Variants in SIK3 observed in about 807,000 individuals in gnomAD.
SIK3 encodes SIK family kinase 3.
A neutral mutation model predicts 144.2 loss-of-function variants in SIK3; 28 were observed. The ratio of observed to expected loss-of-function variants is 0.19; its 90% CI spans 0.14 to 0.27. The LOEUF (loss-of-function observed/expected upper bound fraction) is 0.27. Ranked by LOEUF, SIK3 falls within the 10% of genes least tolerant of loss-of-function variation. SIK3 has a pLI of 1.00. For missense variants in SIK3, 1,319 were observed against 1,776.0 expected (o/e 0.74, Z 4.62); for synonymous variants, 686 against 676.3 (o/e 1.01, Z -0.22).
At chr11:116,940,411 A>G (rs936465046) in intron 3 of SIK3, among the ~76,000 whole-genome samples, 6 of 151,924 alleles carry the variant, frequency 3.9e-5, no homozygotes, top group African/African-American at 1.4e-4. Flanking sequence ...TGTATTTTTT[A>G]GTAAAGACGG....
chr11:116,848,426 G>T (rs1942173105), intron 22 of SIK3, among the ~76,000 whole-genome samples: 1 of 152,118 alleles, frequency 6.6e-6, no homozygotes, highest in Non-Finnish European at 1.5e-5. Context: ...AATTTTAATT[G>T]GTTTAGATTT....
At chr11:116,931,725 C>G (rs2135172704) in intron 3 of SIK3, among the ~76,000 whole-genome samples, 1 of 152,306 alleles carries the variant, frequency 6.6e-6, no homozygotes. Flanking sequence ...CCACTCAGTT[C>G]TATCATTTCT....
intron 1 of SIK3, among the ~76,000 whole-genome samples, chr11:117,039,069 A>C (rs1952635075): frequency 6.6e-6 from 1 of 152,008 alleles, no homozygotes; most frequent in Non-Finnish European, 1.5e-5. Flanking sequence ...AGAAAAAGAA[A>C]TATCGCACAT....
Position 117,061,436 on chromosome 11 carries a change from G to A in SIK3, c.273+36707C>T, listed in dbSNP as rs11216256. ...TCTGGCTCTTCCACTTAATGGTTGC[G>A]TCACTTTGGGTAAGTTATAAACTTC... On this transcript the variant is annotated intron_variant, in intron 1 of 24. Coordinates refer to ENST00000445177, the MANE Select transcript of SIK3 (RefSeq NM_001366686.3). Among the ~76,000 whole-genome samples the A allele has an allele frequency of 6.1e-3, 926 of 152,216 alleles. 3 individuals carry two copies. The highest frequency in any genetic ancestry group is 0.02 in the Middle Eastern group (6 of 294).
intron 1 of SIK3, among the ~76,000 whole-genome samples, chr11:117,022,729 G>A (rs1029761875): frequency 5.3e-5 from 8 of 151,718 alleles, no homozygotes; most frequent in Non-Finnish European, 7.4e-5. Context: ...AAGAAGAAAT[G>A]AATTGAAATC....
chr11:117,060,659 C>A (rs542186034), intron 1 of SIK3, among the ~76,000 whole-genome samples: 1 of 150,826 alleles, frequency 6.6e-6, no homozygotes, highest in Non-Finnish European at 1.5e-5. Flanking sequence ...TGAATAGGTA[C>A]AGCACAGGGA....
At chr11:117,042,632 T>C (rs2135864070) in intron 1 of SIK3, among the ~76,000 whole-genome samples, 1 of 152,332 alleles carries the variant, frequency 6.6e-6, no homozygotes, top group East Asian at 1.9e-4. Context: ...AGTAAGCATT[T>C]TGCTGTGGTT....
rs753476055 is a variant in SIK3, at chr11:116,857,871, C to T, written c.3594G>A (p.Gly1198=). ...LGTVSHAQEL[G]IHPYGHQPTA... Reference sequence around the variant, plus strand: ...TTGGCTGATGACCATAGGGATGTATCCCCAATTCTTGGGCATGACTCACAG... The same window carrying T: ...TTGGCTGATGACCATAGGGATGTATTCCCAATTCTTGGGCATGACTCACAG... Residue 1198 remains glycine (G), a synonymous_variant, in exon 21 of 25, where the codon GGG becomes GGA. Coordinates refer to ENST00000445177, the MANE Select transcript of SIK3 (RefSeq NM_001366686.3). The T allele has an allele frequency of 5.3e-5, 85 of 1,614,050 alleles. No individual in the cohort carries two copies. Among genetic ancestry groups the T allele is most frequent in the Non-Finnish European group, 7.0e-5 (83 of 1,180,048 alleles).
chr11:117,014,576 T>C (rs1951440397), intron 1 of SIK3, among the ~76,000 whole-genome samples: 2 of 148,114 alleles, frequency 1.4e-5, no homozygotes, highest in South Asian at 2.2e-4. Context: ...ACAAGTACAA[T>C]AAAAAAAAGG....
intron 1 of SIK3, among the ~76,000 whole-genome samples, chr11:116,966,374 G>A (rs1392110219): frequency 4.0e-5 from 6 of 151,892 alleles, no homozygotes; most frequent in Non-Finnish European, 8.8e-5. Flanking sequence ...CAGCCTGGGC[G>A]AGAGGGAGAC....
intron 16 of SIK3, among the ~76,000 whole-genome samples, chr11:116,863,454 T>G (rs1225304763): frequency 6.6e-6 from 1 of 152,074 alleles, no homozygotes; most frequent in African/African-American, 2.4e-5. Context: ...GTCTAGAACT[T>G]CAGGGCTCAA....
intron 22 of SIK3, 145 bp from the exon 23 acceptor site, chr11:116,847,753 A>T: frequency 3.3e-6 from 3 of 900,084 alleles, no homozygotes; most frequent in Non-Finnish European, 5.1e-6. Flanking sequence ...AGCACCACCC[A>T]AAGGGGGTGC....
chr11:117,063,676 C>A (rs1313076582), intron 1 of SIK3, among the ~76,000 whole-genome samples: 1 of 151,230 alleles, frequency 6.6e-6, no homozygotes, highest in African/African-American at 2.4e-5. Flanking sequence ...ACCTCTGTCT[C>A]CCGGGCCTCA....
At chr11:116,984,831 G>C (rs183617328) in intron 1 of SIK3, among the ~76,000 whole-genome samples, 2 of 152,196 alleles carry the variant, frequency 1.3e-5, no homozygotes, top group Non-Finnish European at 2.9e-5. Flanking sequence ...AATAGCTTTT[G>C]GATACAAAAC....
intron 1 of SIK3, among the ~76,000 whole-genome samples, chr11:117,077,042 G>C (rs1954577785): frequency 1.3e-5 from 2 of 152,162 alleles, no homozygotes; most frequent in South Asian, 4.1e-4. Flanking sequence ...TGTAGTCCTA[G>C]CTATTCAGGA....
chr11:116,895,044 T>A (rs1945322223), intron 6 of SIK3, among the ~76,000 whole-genome samples: 1 of 152,212 alleles, frequency 6.6e-6, no homozygotes, highest in Non-Finnish European at 1.5e-5. Context: ...ATCACTCCTG[T>A]CAAAACCCTC....
At chr11:116,911,495 C>T (rs891290475) in intron 4 of SIK3, among the ~76,000 whole-genome samples, 28 of 151,650 alleles carry the variant, frequency 1.8e-4, no homozygotes. Flanking sequence ...CAAGACAGAG[C>T]CAGACTCTGT....
intron 1 of SIK3, among the ~76,000 whole-genome samples, chr11:117,042,141 C>T (rs976517946): frequency 2.0e-5 from 3 of 152,134 alleles, no homozygotes; most frequent in Non-Finnish European, 4.4e-5. Flanking sequence ...TTACAGAAGG[C>T]TCATGATATG....
At chr11:116,891,186 G>GCT (rs759593029) in intron 6 of SIK3, among the ~76,000 whole-genome samples, 47 of 152,266 alleles carry the variant, frequency 3.1e-4, no homozygotes, top group Admixed American at 6.5e-4. Context: ...GGTGCTTGGT[G>GCT]CTTGCCTGTA....
Sources: allele counts gnomAD v4.1 joint callset (sites outside exome capture counted in the v4.1 genomes callset), GRCh38; gene constraint gnomAD v4.1.1; transcripts MANE v1.5; gene names NCBI Gene and HGNC (gene_info 2026-07-23, HGNC 2026-07-21).